Variants in PLD5 observed in about 807,000 individuals in gnomAD.
PLD5 encodes the protein inactive phospholipase D5.
A neutral mutation model predicts 61.1 loss-of-function variants in PLD5; 36 were observed. That is an observed-to-expected ratio of 0.59 (90% confidence interval 0.45 to 0.78). The LOEUF is 0.78. PLD5 is among the 30% of genes least tolerant of loss of function. The probability of loss-of-function intolerance (pLI) is 0.00; values close to 1 mark genes in which losing one functional copy is unlikely to be tolerated. For synonymous variants in PLD5, 243 were observed against 242.8 expected, an observed-to-expected ratio of 1.00 and a Z score of -0.01; for missense variants, 515 against 644.4, an observed-to-expected ratio of 0.80 and a Z score of 2.17.
At chr1:242,183,604 C>A (rs969680656) in intron 5 of PLD5, among the ~76,000 whole-genome samples, 6 of 152,124 alleles carry the variant, frequency 3.9e-5, no homozygotes, top group Non-Finnish European at 5.9e-5. Context: ...TAAGCCAAAA[C>A]AAACACCTAG....
intron 5 of PLD5, among the ~76,000 whole-genome samples, chr1:242,166,059 C>CTGTTGTGGTGGTG (rs1203220913): frequency 2.6e-5 from 4 of 152,194 alleles, no homozygotes; most frequent in Admixed American, 2.6e-4. Flanking sequence ...AACTTGCTTC[C>CTGTTGTGGTGGTG]TGTTGTGGTG....
chr1:242,300,384 C>G (rs1675956756), intron 2 of PLD5, among the ~76,000 whole-genome samples: 1 of 151,926 alleles, frequency 6.6e-6, no homozygotes, highest in African/African-American at 2.4e-5. Flanking sequence ...GCAGAGGTTA[C>G]AGTGAGCCGA....
At chr1:242,129,465 T>C (rs961610935) in intron 5 of PLD5, among the ~76,000 whole-genome samples, 4 of 152,140 alleles carry the variant, frequency 2.6e-5, no homozygotes, top group Non-Finnish European at 4.4e-5. Flanking sequence ...GGAACAAAAC[T>C]GGCTTTTGTT....
At chr1:242,379,636 A>T (rs1474314813) in intron 1 of PLD5, among the ~76,000 whole-genome samples, 1 of 151,886 alleles carries the variant, frequency 6.6e-6, no homozygotes, top group Non-Finnish European at 1.5e-5. Context: ...AAAAACTTTG[A>T]GTTTTACGCT....
chr1:242,129,737 C>T (rs1574354332), intron 5 of PLD5, among the ~76,000 whole-genome samples: 1 of 152,196 alleles, frequency 6.6e-6, no homozygotes, highest in Non-Finnish European at 1.5e-5. Context: ...TTGTAACCAT[C>T]ATCACCTGGA....
Position 242,365,710 on chromosome 1 carries a change from G to C in PLD5, c.190-17468C>G, listed in dbSNP as rs557724468. 4 of 211,210 alleles carry C rather than the reference G, an allele frequency of 1.9e-5. No individual in the cohort carries two copies. The South Asian group carries it at 3.2e-4, about 17-fold the overall frequency. The allele number at this position is 211,210 out of a possible 1,614,324, so 13.1% of individuals were successfully genotyped here. On this transcript the variant is annotated intron_variant, in intron 1 of 9. Transcript: ENST00000536534. ...TGTAAATGTTACAGACAATAAACTTGTGTATAACATTCACCTGACTGTCAA... is the reference window on the plus strand; with the variant it reads ...TGTAAATGTTACAGACAATAAACTTCTGTATAACATTCACCTGACTGTCAA...
At chr1:242,448,571 C>A (rs375929737) in intron 1 of PLD5, among the ~76,000 whole-genome samples, 1 of 152,192 alleles carries the variant, frequency 6.6e-6, no homozygotes, top group Non-Finnish European at 1.5e-5. Context: ...TTCTTCCCCC[C>A]ATCTCCCGTG....
chr1:242,298,290 C>T (rs1024365969), intron 2 of PLD5, among the ~76,000 whole-genome samples: 9 of 152,086 alleles, frequency 5.9e-5, no homozygotes, highest in African/African-American at 2.2e-4. Context: ...GTTTTCGGAG[C>T]GAGACAGTAT....
intron 1 of PLD5, among the ~76,000 whole-genome samples, chr1:242,388,747 G>C (rs1053797302): frequency 6.6e-6 from 1 of 152,050 alleles, no homozygotes; most frequent in African/African-American, 2.4e-5. Flanking sequence ...ACGAGGTCAG[G>C]AGTTCAAGAC....
intron 1 of PLD5, among the ~76,000 whole-genome samples, chr1:242,499,901 C>A (rs774666893): frequency 6.6e-6 from 1 of 152,152 alleles, no homozygotes; most frequent in Non-Finnish European, 1.5e-5. Context: ...CATCTACAGG[C>A]CTTTTCACTC....
At chr1:242,501,176 TA>T (rs1408914990) in intron 1 of PLD5, among the ~76,000 whole-genome samples, 2 of 152,134 alleles carry the variant, frequency 1.3e-5, no homozygotes, top group Non-Finnish European at 2.9e-5. Context: ...TCCCATTCAT[TA>T]AATAGGCAGG....
intron 1 of PLD5, among the ~76,000 whole-genome samples, chr1:242,476,095 C>A (rs1295445577): frequency 6.6e-6 from 1 of 152,244 alleles, no homozygotes; most frequent in Non-Finnish European, 1.5e-5. Context: ...TGGCTCACGC[C>A]TGTAATCCCA....
At chr1:242,354,253 G>A (rs1660632691) in intron 1 of PLD5, among the ~76,000 whole-genome samples, 1 of 152,084 alleles carries the variant, frequency 6.6e-6, no homozygotes, top group East Asian at 1.9e-4. Context: ...CACCCACTTT[G>A]CCAACAACCT....
chr1:242,139,764 C>G (rs1228661424), intron 5 of PLD5, among the ~76,000 whole-genome samples: 1 of 152,136 alleles, frequency 6.6e-6, no homozygotes, highest in Non-Finnish European at 1.5e-5. Flanking sequence ...TAATTCTTAC[C>G]AGCATTGGTG....
At chr1:242,493,419 G>C (rs1422054865) in intron 1 of PLD5, among the ~76,000 whole-genome samples, 1 of 152,188 alleles carries the variant, frequency 6.6e-6, no homozygotes, top group Non-Finnish European at 1.5e-5. Context: ...CGAGCACCGG[G>C]TTATGCTTCT....
intron 5 of PLD5, among the ~76,000 whole-genome samples, chr1:242,167,437 T>C (rs988588770): frequency 6.6e-6 from 1 of 152,150 alleles, no homozygotes; most frequent in Non-Finnish European, 1.5e-5. Context: ...ATGAGACTTA[T>C]TCATTATCAT....
chr1:242,242,046 T>C (rs35287049), intron 4 of PLD5, among the ~76,000 whole-genome samples: 34,156 of 140,202 alleles, frequency 0.24, 4,491 homozygotes, highest in Middle Eastern at 0.34. Context: ...CACACACACA[T>C]ATGGTTGATG....
chr1:242,211,732 T>C lies in PLD5; in HGVS notation c.735+8256A>G, dbSNP rs1669835545. On this transcript the variant is annotated intron_variant, in intron 5 of 9. Coordinates refer to ENST00000536534, the MANE Select transcript of PLD5 (RefSeq NM_001372062.1). ...ACGATGGACCCCCCGAAAATGAAGG[T>C]GAAAAAGGAACTGCACAGTCAGTAA... Among the ~76,000 whole-genome samples, 4 of 151,804 alleles carry C rather than the reference T, an allele frequency of 2.6e-5. 1 individual carries two copies. In the South Asian group the frequency reaches 6.3e-4, roughly 24 times the overall value.
chr1:242,146,913 T>G (rs1664584193), intron 5 of PLD5, among the ~76,000 whole-genome samples: 1 of 152,232 alleles, frequency 6.6e-6, no homozygotes, highest in Admixed American at 6.5e-5. Flanking sequence ...TCTGCATTGC[T>G]AAACAGTTCA....
Sources: allele counts gnomAD v4.1 joint callset (sites outside exome capture counted in the v4.1 genomes callset), GRCh38; gene constraint gnomAD v4.1.1; transcripts MANE v1.5; gene names NCBI Gene and HGNC (gene_info 2026-07-23, HGNC 2026-07-21).